Variants in ZNF831 observed in about 807,000 individuals in gnomAD.
ZNF831 encodes the protein zinc finger protein 831, also known as chromosome 20 open reading frame 174.
Under a neutral mutation model 95.8 loss-of-function variants are expected in ZNF831, and 59 were observed. The observed-to-expected ratio is 0.62, with a 90% CI of 0.50 to 0.77. ZNF831 has a LOEUF of 0.77. Ranked by LOEUF, ZNF831 falls within the 30% of genes least tolerant of loss-of-function variation. The pLI is 0.00. For missense variants in ZNF831, 2,205 were observed against 2,164.0 expected (o/e 1.02, Z -0.38); for synonymous variants, 961 against 925.5 (o/e 1.04, Z -0.70).
intron 3 of ZNF831, among the ~76,000 whole-genome samples, chr20:59,205,606 C>T (rs544384844): frequency 6.6e-6 from 1 of 152,058 alleles, no homozygotes; most frequent in Non-Finnish European, 1.5e-5. Context: ...TGTGAGCGGC[C>T]CTGGTGATTA....
intron 4 of ZNF831, among the ~76,000 whole-genome samples, chr20:59,247,038 TAAAC>T (rs1987646741): frequency 6.6e-6 from 1 of 152,304 alleles, no homozygotes; most frequent in Non-Finnish European, 1.5e-5. Flanking sequence ...AGAGGCTTCA[TAAAC>T]AAAAAATGTA....
chr20:59,158,334 G>A (rs1054775978), intron 2 of ZNF831, among the ~76,000 whole-genome samples: 8 of 152,230 alleles, frequency 5.3e-5, no homozygotes, highest in African/African-American at 1.2e-4. Context: ...TCAATGTGAC[G>A]GGAGCATTTC....
intron 1 of ZNF831, among the ~76,000 whole-genome samples, chr20:59,127,730 G>A (rs1429202902): frequency 3.3e-5 from 5 of 152,204 alleles, no homozygotes; most frequent in African/African-American, 1.2e-4. Context: ...AGCTTCAAGG[G>A]CAGGGCCTGG....
chr20:59,209,184 A>G (rs181025757), intron 4 of ZNF831, among the ~76,000 whole-genome samples: 1 of 152,282 alleles, frequency 6.6e-6, no homozygotes, highest in African/African-American at 2.4e-5. Context: ...TGTCAGTGTG[A>G]GATTCAAGGT....
chr20:59,146,722 A>G (rs957980947), intron 2 of ZNF831: 3 of 152,214 alleles, frequency 2.0e-5, no homozygotes, highest in African/African-American at 7.2e-5. Context: ...AGTGACTCAC[A>G]CTTTTGGGGC....
intron 4 of ZNF831, among the ~76,000 whole-genome samples, chr20:59,216,658 G>C (rs1487166381): frequency 6.6e-6 from 1 of 152,294 alleles, no homozygotes; most frequent in East Asian, 1.9e-4. Flanking sequence ...TGCAGTGGGG[G>C]CTCACAGGAT....
At chr20:59,247,199 C>G (rs1192993935) in intron 4 of ZNF831, among the ~76,000 whole-genome samples, 1 of 152,174 alleles carries the variant, frequency 6.6e-6, no homozygotes, top group East Asian at 1.9e-4. Context: ...GGGGTGATGT[C>G]AGATGATTTA....
chr20:59,195,887 C>G lies in ZNF831; in HGVS notation c.3757C>G (p.Pro1253Ala), dbSNP rs1568761369. ...TTTTCAGTTCTCCTACCCAACAGTC[C>G]CAGGGGTGATGCCCCAGCACCAGGT... ...QMSKFSYPTVPGVMPQHQVSE... is the reference protein window; with the variant it reads ...QMSKFSYPTVAGVMPQHQVSE... The change falls in exon 3 of 6, where the codon CCA becomes GCA. Residue 1253 changes from proline to alanine, a missense_variant. Physicochemically the swap from Pro to Ala is conservative, Grantham distance 27. Transcript: ENST00000371030. 8 of 1,614,002 alleles carry G rather than the reference C, an allele frequency of 5.0e-6. No individual in the cohort carries two copies. The highest frequency in any genetic ancestry group is 6.8e-6 in the Non-Finnish European group (8 of 1,179,984).
chr20:59,176,342 G>C (rs1302140780), intron 1 of ZNF831, among the ~76,000 whole-genome samples: 2 of 152,208 alleles, frequency 1.3e-5, no homozygotes, highest in Non-Finnish European at 2.9e-5. Flanking sequence ...ACCAGAGAGG[G>C]AGGCATGATT....
At chr20:59,174,981 A>G (rs1253955017) in intron 1 of ZNF831, among the ~76,000 whole-genome samples, 1 of 152,076 alleles carries the variant, frequency 6.6e-6, no homozygotes. Context: ...CCTTCATTCC[A>G]GGAGGATATT....
rs6015443 is a variant in ZNF831, at chr20:59,126,565, T to C, written c.-1425+3060T>C. ...CTCCAGCCACACCCTATTTTCCTGC[T>C]TCCCTTTGTCTCCTCTAAGAGTTGC... On this transcript the variant is annotated intron_variant, in intron 1 of 7. Transcript: ENST00000637017. Among the ~76,000 whole-genome samples, 1,518 of 152,348 alleles carry C rather than the reference T, an allele frequency of 1.0e-2. 14 individuals carry two copies. The highest frequency in any genetic ancestry group is 0.034 in the African/African-American group (1,430 of 41,570).
At chr20:59,216,634 G>A (rs1360494524) in intron 4 of ZNF831, among the ~76,000 whole-genome samples, 1 of 152,160 alleles carries the variant, frequency 6.6e-6, no homozygotes, top group Non-Finnish European at 1.5e-5. Flanking sequence ...GGGTGAGTGG[G>A]GGACAGGCAC....
intron 1 of ZNF831, among the ~76,000 whole-genome samples, chr20:59,168,527 A>G (rs1205846327): frequency 8.2e-6 from 1 of 121,476 alleles, no homozygotes; most frequent in Non-Finnish European, 1.7e-5. Flanking sequence ...GCAAGTAGGG[A>G]TAGTTTTATT....
chr20:59,173,030 T>G (rs546204407), intron 1 of ZNF831, among the ~76,000 whole-genome samples: 16 of 152,294 alleles, frequency 1.1e-4, no homozygotes, highest in African/African-American at 3.6e-4. Context: ...GAAGGATCAG[T>G]ATTCCCTTTC....
Position 59,191,962 on chromosome 20 carries a change from C to T in ZNF831, c.943C>T (p.Leu315=), listed in dbSNP as rs1229223449. 6 of 1,607,092 alleles carry T rather than the reference C, an allele frequency of 3.7e-6. No homozygotes were observed. The highest frequency in any genetic ancestry group is 2.5e-6 in the Non-Finnish European group (3 of 1,177,538). Residue 315 remains leucine (L), a synonymous_variant, in exon 2 of 6, where the codon CTG becomes TTG. Coordinates refer to ENST00000371030, the MANE Select transcript of ZNF831 (RefSeq NM_178457.3). ...KSPTAGKPCA[L]QRQQATAAEK... ...GCCGACCGCCGGGAAGCCGTGCGCCCTGCAGCGGCAGCAGGCGACGGCAGC... is the reference window on the plus strand; with the variant it reads ...GCCGACCGCCGGGAAGCCGTGCGCCTTGCAGCGGCAGCAGGCGACGGCAGC...
chr20:59,139,761 C>A (rs1170354304), intron 1 of ZNF831, among the ~76,000 whole-genome samples: 2 of 152,200 alleles, frequency 1.3e-5, no homozygotes, highest in East Asian at 3.8e-4. Context: ...CAAAGCCCAG[C>A]ACTCTTGACT....
chr20:59,220,098 G>A lies in ZNF831; in HGVS notation c.4027+13042G>A, dbSNP rs75940688. On this transcript the variant is annotated intron_variant, in intron 4 of 5. Coordinates refer to ENST00000371030, the MANE Select transcript of ZNF831 (RefSeq NM_178457.3). ...CGGTTCTGCTTTTGAAAGACTTTCT[G>A]AAAACCGTTCTCATATTTGAGTTGG... Among the ~76,000 whole-genome samples, 1,204 of 152,274 alleles carry A rather than the reference G, an allele frequency of 7.9e-3. 13 individuals are homozygous for A. The highest frequency in any genetic ancestry group is 0.012 in the Non-Finnish European group (824 of 68,016).
intron 4 of ZNF831, among the ~76,000 whole-genome samples, chr20:59,243,126 C>T (rs547288697): frequency 8.5e-5 from 13 of 152,300 alleles, no homozygotes; most frequent in African/African-American, 2.6e-4. Flanking sequence ...TATTCTTTCC[C>T]GTTGTCTTAT....
At position 59,193,249 on chromosome 20, in the gene ZNF831, A is replaced by T. The variant is rs766213126; in HGVS notation, c.2230A>T (p.Ser744Cys). The T allele has an allele frequency of 6.2e-7, 1 of 1,605,670 alleles. No individual in the cohort carries two copies. Among genetic ancestry groups the T allele is most frequent in the South Asian group, 1.1e-5 (1 of 89,578 alleles). Residue 744 changes from serine (S) to cysteine (C), a missense_variant, in exon 2 of 6, where the codon AGT (serine) becomes TGT (cysteine). Coordinates refer to ENST00000371030, the MANE Select transcript of ZNF831 (RefSeq NM_178457.3). ...TGGCAGAGACAGTCCCTGTTCAGGC[A>T]GTAGGAGCCCCCTGGTCTCTCCAAA... Reference protein sequence around the residue: ...LGGRDSPCSGSRSPLVSPNGR... With the variant: ...LGGRDSPCSGCRSPLVSPNGR...
Sources: gnomAD v4.1 joint callset for allele counts (sites outside exome capture counted in the v4.1 genomes callset) on GRCh38, gnomAD v4.1.1 for gene constraint, MANE v1.5 for transcripts, NCBI Gene and HGNC (gene_info 2026-07-23, HGNC 2026-07-21) for gene names.